MYO3B: variants seen among roughly 807,000 people sequenced by gnomAD.
The protein encoded by MYO3B is myosin-IIIb.
In MYO3B, 156 loss-of-function variants were observed where a neutral mutation model predicts 174.6. The ratio of observed to expected loss-of-function variants is 0.89; its 90% CI spans 0.78 to 1.02. MYO3B has a LOEUF of 1.02. MYO3B is among the 50% of genes least tolerant of loss of function. The pLI is 0.00. For synonymous variants in MYO3B, 563 were observed against 569.1 expected (o/e 0.99, Z 0.15); for missense variants, 1,632 against 1,639.4 (o/e 1.00, Z 0.08).
chr2:170,212,059 C>A (rs890291041), intron 3 of MYO3B, among the ~76,000 whole-genome samples: 1 of 151,816 alleles, frequency 6.6e-6, no homozygotes, highest in Non-Finnish European at 1.5e-5. Flanking sequence ...GCCTGACCAA[C>A]ATGGAGAAAC....
intron 26 of MYO3B, 58 bp from the exon 27 acceptor site, chr2:170,499,588 A>T: frequency 2.7e-6 from 4 of 1,463,078 alleles, no homozygotes; most frequent in Non-Finnish European, 3.8e-6. Flanking sequence ...ATGCTGTAGT[A>T]GAGTGAATTT....
At chr2:170,544,541 T>C (rs1690348407) in intron 32 of MYO3B, among the ~76,000 whole-genome samples, 1 of 152,216 alleles carries the variant, frequency 6.6e-6, no homozygotes. Flanking sequence ...GTAAGAAATA[T>C]TTACAAGCTA....
intron 30 of MYO3B, among the ~76,000 whole-genome samples, chr2:170,531,786 TGGAA>T (rs202198573): frequency 7.2e-4 from 109 of 152,004 alleles, no homozygotes; most frequent in African/African-American, 2.2e-3. Context: ...TGTGGATGGA[TGGAA>T]GGAAGGAAGG....
intron 3 of MYO3B, among the ~76,000 whole-genome samples, chr2:170,203,816 C>A (rs1053820092): frequency 9.2e-5 from 14 of 152,112 alleles, no homozygotes; most frequent in African/African-American, 3.4e-4. Flanking sequence ...GTGAGAGACA[C>A]TGGAATGCTG....
chr2:170,651,815 C>A, intron 33 of MYO3B, 81 bp downstream of exon 33: 1 of 1,178,600 alleles, frequency 8.5e-7, no homozygotes, highest in Non-Finnish European at 1.3e-6. Context: ...TGTTCCAGCC[C>A]CTGCAGCCCC....
intron 25 of MYO3B, among the ~76,000 whole-genome samples, chr2:170,497,518 A>G (rs912342033): frequency 6.6e-6 from 1 of 152,116 alleles, no homozygotes; most frequent in Non-Finnish European, 1.5e-5. Flanking sequence ...CAGGACGCTG[A>G]GAGGCAGGAG....
At chr2:170,209,965 G>C (rs1178120842) in intron 3 of MYO3B, among the ~76,000 whole-genome samples, 3 of 152,080 alleles carry the variant, frequency 2.0e-5, no homozygotes, top group African/African-American at 7.2e-5. Context: ...CCAAAAGCTA[G>C]GTGTCAGGAA....
chr2:170,502,263 G>A (rs1274012929), intron 28 of MYO3B, among the ~76,000 whole-genome samples: 2 of 152,234 alleles, frequency 1.3e-5, no homozygotes, highest in South Asian at 4.2e-4. Context: ...TTTCCCTCTC[G>A]GAGTCATATG....
intron 7 of MYO3B, among the ~76,000 whole-genome samples, chr2:170,288,764 G>T (rs2093575326): frequency 6.6e-6 from 1 of 152,036 alleles, no homozygotes; most frequent in Non-Finnish European, 1.5e-5. Flanking sequence ...TTGAATAAGA[G>T]AAGTGAAAGT....
At chr2:170,413,163 AGGAAATGTCAG>A (rs1206330372) in intron 22 of MYO3B, among the ~76,000 whole-genome samples, 2 of 152,204 alleles carry the variant, frequency 1.3e-5, no homozygotes, top group African/African-American at 2.4e-5. Flanking sequence ...TAAAAATAGA[AGGAAATGTCAG>A]GGAAATGTCA....
intron 32 of MYO3B, among the ~76,000 whole-genome samples, chr2:170,558,031 G>A (rs892707981): frequency 6.6e-6 from 1 of 152,096 alleles, no homozygotes; most frequent in African/African-American, 2.4e-5. Flanking sequence ...GCCAGACACC[G>A]TGGCTCATGC....
chr2:170,588,172 C>G (rs932453565), intron 32 of MYO3B, among the ~76,000 whole-genome samples: 1 of 152,100 alleles, frequency 6.6e-6, no homozygotes, highest in Non-Finnish European at 1.5e-5. Flanking sequence ...TGACTCACTT[C>G]TGTAATCCTA....
At position 170,567,572 on chromosome 2, in the gene MYO3B, G is replaced by A. The variant is rs143016032; in HGVS notation, c.3733+23584G>A. Among the ~76,000 whole-genome samples the A allele has an allele frequency of 4.5e-3, 692 of 152,270 alleles. 4 individuals are homozygous for A. Among genetic ancestry groups the A allele is most frequent in the African/African-American group, 0.016 (649 of 41,546 alleles). On this transcript the variant is annotated intron_variant, in intron 32 of 34. Coordinates refer to ENST00000408978, the MANE Select transcript of MYO3B (RefSeq NM_138995.5). Reference sequence around the variant, plus strand: ...AGAGCAGCAAAGAACAAATCATTGCGCTTTGCTTCTGTCAGCAGAAAATGC... The same window carrying A: ...AGAGCAGCAAAGAACAAATCATTGCACTTTGCTTCTGTCAGCAGAAAATGC...
At chr2:170,474,731 G>A (rs1028180018) in intron 25 of MYO3B, among the ~76,000 whole-genome samples, 2 of 93,776 alleles carry the variant, frequency 2.1e-5, no homozygotes, top group African/African-American at 4.1e-5. Context: ...TGACAAGAGT[G>A]AAACTCCGTC....
intron 7 of MYO3B, among the ~76,000 whole-genome samples, chr2:170,280,087 G>A (rs988769259): frequency 2.6e-5 from 4 of 152,166 alleles, no homozygotes; most frequent in Non-Finnish European, 4.4e-5. Context: ...CACCAACAGT[G>A]TATAAGTGTT....
At chr2:170,224,752 T>A (rs188224106) in intron 6 of MYO3B, among the ~76,000 whole-genome samples, 130 of 152,294 alleles carry the variant, frequency 8.5e-4, no homozygotes, top group African/African-American at 3.0e-3. Context: ...TTCCATCTGC[T>A]CATTGTTGCA....
chr2:170,262,647 T>G (rs1035031840), intron 7 of MYO3B, among the ~76,000 whole-genome samples: 4 of 152,182 alleles, frequency 2.6e-5, no homozygotes, highest in African/African-American at 9.7e-5. Flanking sequence ...AAGCTGATCC[T>G]TGTCCACGTT....
intron 24 of MYO3B, among the ~76,000 whole-genome samples, chr2:170,464,775 C>T (rs970276052): frequency 6.6e-6 from 1 of 152,202 alleles, no homozygotes; most frequent in African/African-American, 2.4e-5. Flanking sequence ...TATTGAGACA[C>T]ACCTGGTCCT....
chr2:170,218,428 A>G (rs1019073402), intron 6 of MYO3B, among the ~76,000 whole-genome samples: 1 of 152,248 alleles, frequency 6.6e-6, no homozygotes, highest in African/African-American at 2.4e-5. Context: ...GTATTATGAA[A>G]AAAAGCTATT....
Sources: gnomAD v4.1 joint callset for allele counts (sites outside exome capture counted in the v4.1 genomes callset) on GRCh38, gnomAD v4.1.1 for gene constraint, MANE v1.5 for transcripts, NCBI Gene and HGNC (gene_info 2026-07-23, HGNC 2026-07-21) for gene names.